PTPRE: variants seen among roughly 807,000 people sequenced by gnomAD.
The protein encoded by PTPRE is receptor-type tyrosine-protein phosphatase epsilon.
Under a neutral mutation model 102.0 loss-of-function variants are expected in PTPRE, and 51 were observed. The ratio of observed to expected loss-of-function variants is 0.50; its 90% CI spans 0.40 to 0.63. The LOEUF (loss-of-function observed/expected upper bound fraction) is 0.63. Ranked by LOEUF, PTPRE falls within the 30% of genes least tolerant of loss-of-function variation. The pLI is 0.00. For synonymous variants in PTPRE, 345 were observed against 348.2 expected (o/e 0.99, Z 0.10); for missense variants, 752 against 915.1 (o/e 0.82, Z 2.30).
chr10:128,068,689 A>G (rs1475023857), intron 12 of PTPRE: 1 of 155,448 alleles, frequency 6.4e-6, no homozygotes, highest in Admixed American at 6.4e-5. Context: ...CACCATGCTC[A>G]GATGGGCCCC....
rs749512777 is a variant in PTPRE, at chr10:128,077,681, A to G, written c.1790A>G (p.Glu597Gly). The G allele has an allele frequency of 5.0e-6, 8 of 1,613,870 alleles. No homozygotes were observed. The highest frequency in any genetic ancestry group is 1.3e-5 in the African/African-American group (1 of 75,072). Residue 597 changes from glutamate to glycine, a missense_variant, in exon 19 of 21, where the codon GAG becomes GGG. Transcript: ENST00000254667. ...CAGTTTCACTTCCACGGCTGGCCTG[A>G]GATCGGGATTCCCGCCGAGGGCAAA... The part of the protein sequence containing the change: ...VRQFHFHGWP[E>G]IGIPAEGKGM...
At chr10:127,970,695 T>C (rs1403614626) in intron 1 of PTPRE, among the ~76,000 whole-genome samples, 1 of 151,788 alleles carries the variant, frequency 6.6e-6, no homozygotes, top group African/African-American at 2.4e-5. Flanking sequence ...TGGACTATTC[T>C]TTTGTTAATC....
At chr10:128,065,721 AGGGTCACTT>A (rs1335960087) in intron 10 of PTPRE, among the ~76,000 whole-genome samples, 2 of 152,202 alleles carry the variant, frequency 1.3e-5, no homozygotes, top group Non-Finnish European at 2.9e-5. Flanking sequence ...CTCTAGCCTG[AGGGTCACTT>A]GGAGTTAGGT....
intron 2 of PTPRE, among the ~76,000 whole-genome samples, chr10:128,025,736 C>T (rs1378808722): frequency 2.0e-5 from 3 of 152,132 alleles, no homozygotes; most frequent in Non-Finnish European, 4.4e-5. Context: ...CCCTACATGT[C>T]GGGCTGGACT....
Position 128,047,279 on chromosome 10 carries a change from C to T in PTPRE, c.110-111C>T, listed in dbSNP as rs983013950. On this transcript the variant is annotated intron_variant, in intron 3 of 20. Transcript: ENST00000254667. ...TTTTCAGGATGATGGATCCACTTTACAAAATATAGTTTGGGGTTCTGGTGT... is the reference window on the plus strand; with the variant it reads ...TTTTCAGGATGATGGATCCACTTTATAAAATATAGTTTGGGGTTCTGGTGT... 4 of 1,421,908 alleles carry T rather than the reference C, an allele frequency of 2.8e-6. No homozygotes were observed. The African/African-American group carries it at 4.3e-5, about 15-fold the overall frequency. 88.1% of individuals were successfully genotyped at this position (1,421,908 alleles called of 1,614,324 possible).
At position 128,028,909 on chromosome 10, in the gene PTPRE, C is replaced by T. The variant is rs1277237450; in HGVS notation, c.-7-11966C>T. On this transcript the variant is annotated intron_variant, in intron 2 of 20. Coordinates refer to ENST00000254667, the MANE Select transcript of PTPRE (RefSeq NM_006504.6). The surrounding 1 kb of genome is among the most constrained non-coding windows in gnomAD (Gnocchi z 4.5). The stretch of plus-strand genomic sequence containing the variant: ...GTCCCCTCTGGCCTCAGCTGTCCTC[C>T]TCGAGGAGCGCTATCCTGCTCCGTC... 6.6e-6 allele frequency among the ~76,000 whole-genome samples: 1 copy of T among 152,218 alleles called. No homozygotes were observed. Among genetic ancestry groups the T allele is most frequent in the Non-Finnish European group, 1.5e-5 (1 of 68,040 alleles).
intron 1 of PTPRE, among the ~76,000 whole-genome samples, chr10:127,930,204 G>T (rs1292932042): frequency 4.0e-5 from 6 of 151,636 alleles, no homozygotes; most frequent in Non-Finnish European, 7.4e-5. Context: ...TGTATAACCA[G>T]TAACACTATC....
chr10:128,026,480 A>G (rs1356216599), intron 2 of PTPRE, among the ~76,000 whole-genome samples: 1 of 152,210 alleles, frequency 6.6e-6, no homozygotes, highest in Non-Finnish European at 1.5e-5. Context: ...TGTCCGGAGC[A>G]TGGCTGGTCC....
chr10:127,909,344 A>G (rs1845708334), intron 1 of PTPRE, among the ~76,000 whole-genome samples: 1 of 152,132 alleles, frequency 6.6e-6, no homozygotes, highest in Non-Finnish European at 1.5e-5. Flanking sequence ...ATCAGTTTCA[A>G]CTGGTGAAAG....
intron 1 of PTPRE, among the ~76,000 whole-genome samples, chr10:127,948,246 TTTATTTTA>T (rs1848765879): frequency 6.6e-6 from 1 of 152,006 alleles, no homozygotes; most frequent in Admixed American, 6.6e-5. Context: ...TAAGAGAGAC[TTTATTTTA>T]GGGCATTTTA....
At chr10:128,077,366 A>C (rs1006543770) in intron 18 of PTPRE, among the ~76,000 whole-genome samples, 2 of 152,216 alleles carry the variant, frequency 1.3e-5, no homozygotes, top group African/African-American at 4.8e-5. Context: ...GGCAGTCCTC[A>C]CAGGGATCCA....
chr10:128,007,223 A>G (rs533615182), intron 2 of PTPRE, among the ~76,000 whole-genome samples: 3 of 152,240 alleles, frequency 2.0e-5, no homozygotes, highest in Admixed American at 1.3e-4. Context: ...TGGGTGGGGG[A>G]AAAATACTGC....
chr10:128,007,306 T>C (rs1854664941), intron 2 of PTPRE, among the ~76,000 whole-genome samples: 1 of 152,232 alleles, frequency 6.6e-6, no homozygotes, highest in African/African-American at 2.4e-5. Context: ...ATGAAGCACT[T>C]ATTTTAATGA....
intron 3 of PTPRE, among the ~76,000 whole-genome samples, chr10:128,043,401 T>C (rs936461517): frequency 6.6e-6 from 1 of 152,186 alleles, no homozygotes; most frequent in African/African-American, 2.4e-5. Context: ...GGGCTCACGG[T>C]CCTGTAAGAA....
At chr10:128,072,927 A>G (rs898906539) in intron 16 of PTPRE, among the ~76,000 whole-genome samples, 3 of 152,204 alleles carry the variant, frequency 2.0e-5, no homozygotes, top group African/African-American at 7.2e-5. Context: ...GAAGAAGGGC[A>G]AAAGGGGGAA....
intron 16 of PTPRE, among the ~76,000 whole-genome samples, chr10:128,072,849 C>G (rs1346513877): frequency 6.6e-6 from 1 of 152,068 alleles, no homozygotes; most frequent in African/African-American, 2.4e-5. Context: ...CAATGTGTAC[C>G]CACGTGGACA....
At chr10:127,980,594 G>A (rs1203861270) in intron 1 of PTPRE, among the ~76,000 whole-genome samples, 1 of 152,072 alleles carries the variant, frequency 6.6e-6, no homozygotes, top group Non-Finnish European at 1.5e-5. Context: ...GCTGGGGAGA[G>A]GTATTAAGTC....
chr10:128,027,659 G>T (rs941972825), intron 2 of PTPRE, among the ~76,000 whole-genome samples: 1 of 152,200 alleles, frequency 6.6e-6, no homozygotes. Context: ...CTTTGGAAAG[G>T]TATCCGGGCA....
chr10:128,047,881 T>G, intron 5 of PTPRE, 44 bp downstream of exon 5: 1 of 1,525,116 alleles, frequency 6.6e-7, no homozygotes, highest in Non-Finnish European at 8.8e-7. Context: ...GAAAATGTGT[T>G]CTTTTTTAGC....
Sources: allele counts gnomAD v4.1 joint callset (sites outside exome capture counted in the v4.1 genomes callset), GRCh38; gene constraint gnomAD v4.1.1; non-coding constraint Gnocchi (gnomAD v3.1); transcripts MANE v1.5; gene names NCBI Gene and HGNC (gene_info 2026-07-23, HGNC 2026-07-21).